EXOC6B: variants seen among roughly 807,000 people sequenced by gnomAD.
EXOC6B encodes exocyst complex component 6B.
EXOC6B carries 54 observed loss-of-function variants against 113.5 expected under a neutral mutation model. The ratio of observed to expected loss-of-function variants is 0.48; its 90% CI spans 0.38 to 0.60. EXOC6B has a LOEUF of 0.60. EXOC6B is among the 20% of genes least tolerant of loss of function. EXOC6B has a pLI of 0.00. For synonymous variants in EXOC6B, 357 were observed against 339.0 expected (o/e 1.05, Z -0.58); for missense variants, 797 against 977.5 (o/e 0.82, Z 2.46).
At chr2:72,814,983 T>A (rs1686142388) in intron 1 of EXOC6B, among the ~76,000 whole-genome samples, 3 of 152,084 alleles carry the variant, frequency 2.0e-5, no homozygotes, top group Admixed American at 2.0e-4. Context: ...AGAGCGAGAC[T>A]CCGTCTCAAA....
At chr2:72,388,093 A>G (rs1054894047) in intron 18 of EXOC6B, among the ~76,000 whole-genome samples, 2 of 152,138 alleles carry the variant, frequency 1.3e-5, no homozygotes, top group Admixed American at 6.5e-5. Flanking sequence ...CTACTGGCAT[A>G]TCATGGGTAG....
At chr2:72,374,069 C>CA (rs916364386) in intron 19 of EXOC6B, among the ~76,000 whole-genome samples, 9 of 148,916 alleles carry the variant, frequency 6.0e-5, no homozygotes, top group Admixed American at 2.0e-4. Context: ...GACCCTGTCT[C>CA]AAAAAAAAAA....
chr2:72,411,040 C>A (rs960529311), intron 18 of EXOC6B, among the ~76,000 whole-genome samples: 3 of 152,120 alleles, frequency 2.0e-5, no homozygotes, highest in African/African-American at 7.2e-5. Context: ...GAAACCCTGT[C>A]TCTACTAAAA....
At chr2:72,769,581 G>C (rs998770107) in intron 1 of EXOC6B, among the ~76,000 whole-genome samples, 3 of 152,216 alleles carry the variant, frequency 2.0e-5, no homozygotes, top group African/African-American at 7.2e-5. Context: ...GGAGGCCAAG[G>C]CGGGCAGATC....
At chr2:72,266,026 G>C (rs1300955682) in intron 20 of EXOC6B, among the ~76,000 whole-genome samples, 1 of 152,154 alleles carries the variant, frequency 6.6e-6, no homozygotes, top group African/African-American at 2.4e-5. Flanking sequence ...ATTTTTTCAT[G>C]TGTCTTTTGG....
At chr2:72,674,374 T>C (rs774989036) in intron 6 of EXOC6B, among the ~76,000 whole-genome samples, 14 of 152,242 alleles carry the variant, frequency 9.2e-5, no homozygotes, top group Non-Finnish European at 1.5e-4. Flanking sequence ...TTATAGAAAG[T>C]ATTTTGTTAA....
intron 18 of EXOC6B, among the ~76,000 whole-genome samples, chr2:72,459,171 C>T (rs571020362): frequency 1.2e-4 from 19 of 152,240 alleles, no homozygotes; most frequent in African/African-American, 4.3e-4. Context: ...ATGCTAAAAA[C>T]TCTCAATAAA....
intron 6 of EXOC6B, among the ~76,000 whole-genome samples, chr2:72,646,906 T>C (rs1673763496): frequency 6.6e-6 from 1 of 152,174 alleles, no homozygotes; most frequent in South Asian, 2.1e-4. Context: ...AGGGATGCCT[T>C]CTCTCACCAC....
chr2:72,574,404 G>T (rs1211951402), intron 7 of EXOC6B, among the ~76,000 whole-genome samples: 1 of 152,072 alleles, frequency 6.6e-6, no homozygotes, highest in Non-Finnish European at 1.5e-5. Flanking sequence ...AATCCTATGG[G>T]GTAGAGACTA....
intron 20 of EXOC6B, among the ~76,000 whole-genome samples, chr2:72,194,595 C>CTA (rs1199546257): frequency 1.3e-5 from 2 of 151,762 alleles, no homozygotes; most frequent in Non-Finnish European, 2.9e-5. Context: ...CTCTCTCTCT[C>CTA]TCTGTGTGTG....
intron 20 of EXOC6B, among the ~76,000 whole-genome samples, chr2:72,228,270 CT>C (rs200347940): frequency 4.0e-5 from 6 of 151,322 alleles, no homozygotes; most frequent in African/African-American, 7.3e-5. Flanking sequence ...TCTCAGGTTT[CT>C]TTTTTTTTAT....
intron 5 of EXOC6B, 97 bp downstream of exon 5, chr2:72,730,910 A>T: frequency 1.3e-6 from 1 of 796,252 alleles, no homozygotes; most frequent in Non-Finnish European, 1.9e-6. Flanking sequence ...TTAGAAACTT[A>T]ATTTTTTGAA....
chr2:72,633,341 C>T (rs1166794521), intron 6 of EXOC6B, among the ~76,000 whole-genome samples: 1 of 152,156 alleles, frequency 6.6e-6, no homozygotes, highest in Admixed American at 6.5e-5. Context: ...TAGCCAGGAT[C>T]ACACAATGTA....
At chr2:72,236,631 T>C (rs1170831643) in intron 20 of EXOC6B, among the ~76,000 whole-genome samples, 1 of 152,184 alleles carries the variant, frequency 6.6e-6, no homozygotes, top group South Asian at 2.1e-4. Context: ...TTCAATCAAT[T>C]AGCAATGCAA....
At chr2:72,523,252 G>A (rs2105724691) in intron 8 of EXOC6B, among the ~76,000 whole-genome samples, 1 of 152,306 alleles carries the variant, frequency 6.6e-6, no homozygotes, top group South Asian at 2.1e-4. Context: ...GAAACGGCCA[G>A]ATGAAACACC....
intron 20 of EXOC6B, among the ~76,000 whole-genome samples, chr2:72,252,319 A>G (rs753990147): frequency 1.3e-5 from 2 of 152,142 alleles, no homozygotes; most frequent in Non-Finnish European, 2.9e-5. Context: ...TTGGGGGCTG[A>G]TGAAATACAC....
chr2:72,262,378 C>T (rs1009497781), intron 20 of EXOC6B, among the ~76,000 whole-genome samples: 2 of 151,968 alleles, frequency 1.3e-5, no homozygotes, highest in Non-Finnish European at 2.9e-5. Context: ...CAGACAGGTT[C>T]CCTGCACCTC....
At chr2:72,559,588 A>C in intron 7 of EXOC6B, 67 bp from the exon 8 acceptor site, 1 of 1,282,686 alleles carries the variant, frequency 7.8e-7, no homozygotes, top group Non-Finnish European at 1.1e-6. Flanking sequence ...ATTAATTGTT[A>C]CTACTCAAGT....
At chr2:72,346,081 T>A (rs1321334166) in intron 19 of EXOC6B, among the ~76,000 whole-genome samples, 2 of 152,130 alleles carry the variant, frequency 1.3e-5, no homozygotes, top group African/African-American at 4.8e-5. Flanking sequence ...GTTTTTTTTT[T>A]AATAGGAAAT....
Sources: gnomAD v4.1 joint callset for allele counts (sites outside exome capture counted in the v4.1 genomes callset) on GRCh38, gnomAD v4.1.1 for gene constraint, MANE v1.5 for transcripts, NCBI Gene and HGNC (gene_info 2026-07-23, HGNC 2026-07-21) for gene names.